The following SPRTN variants were observed in gnomAD, a reference collection of about 807,000 sequenced individuals.
SPRTN encodes the protein DNA-dependent metalloprotease SPRTN.
SPRTN carries 11 observed loss-of-function variants against 31.9 expected under a neutral mutation model. That is an observed-to-expected ratio of 0.34 (90% CI 0.22 to 0.57). The LOEUF (loss-of-function observed/expected upper bound fraction) is 0.57, where lower values mean the gene tolerates loss of function less well. SPRTN is among the 20% of genes least tolerant of loss of function. The probability of loss-of-function intolerance (pLI) is 0.86; values close to 1 mark genes in which losing one functional copy is unlikely to be tolerated. For missense variants in SPRTN, 482 were observed against 590.1 expected (o/e 0.82, Z 1.90); for synonymous variants, 185 against 212.1 (o/e 0.87, Z 1.11).
rs1179325758 is a variant in SPRTN, at chr1:231,338,527, G to A, written c.144G>A (p.Leu48=). ...ACCCCACACCGGACTTGCAGGCACTGTTTGTTCAGTTTAACGACCAATTCT... is the reference window on the plus strand; with the variant it reads ...ACCCCACACCGGACTTGCAGGCACTATTTGTTCAGTTTAACGACCAATTCT... ...LVDPTPDLQA[L]FVQFNDQFFW... Residue 48 remains leucine (L), a synonymous_variant, in exon 1 of 5, where the codon CTG becomes CTA. Transcript: ENST00000295050. 1 of 1,614,246 alleles carries A rather than the reference G, an allele frequency of 6.2e-7. No individual in the cohort carries two copies. Among genetic ancestry groups the A allele is most frequent in the South Asian group, 1.1e-5 (1 of 91,084 alleles).
chr1:231,340,673 G>C (rs760281940), intron 2 of SPRTN, among the ~76,000 whole-genome samples: 10 of 152,026 alleles, frequency 6.6e-5, no homozygotes, highest in Non-Finnish European at 1.3e-4. Flanking sequence ...ACTTACTTCT[G>C]CTAGCAGAAT....
chr1:231,342,606 T>A (rs1346773286), intron 2 of SPRTN, among the ~76,000 whole-genome samples: 1 of 151,906 alleles, frequency 6.6e-6, no homozygotes, highest in East Asian at 1.9e-4. Flanking sequence ...GATTTTTGTA[T>A]TTTTAGTAGA....
In SPRTN at chr1:231,347,777, T is replaced by C. The variant is rs1033159101; in HGVS notation, c.322-20T>C. 1 of 1,593,594 alleles carries C rather than the reference T, an allele frequency of 6.3e-7. No homozygotes were observed. Among genetic ancestry groups the C allele is most frequent in the East Asian group, 2.2e-5 (1 of 44,788 alleles). The stretch of plus-strand genomic sequence containing the variant: ...GTGTCATACAGACTCTAAAACTAAT[T>C]TGAATATTTTATGTTCCAGACCCTC... On this transcript the variant is annotated intron_variant, in intron 2 of 4. Coordinates refer to ENST00000295050, the MANE Select transcript of SPRTN (RefSeq NM_032018.7).
intron 3 of SPRTN, among the ~76,000 whole-genome samples, chr1:231,349,028 T>C (rs1304277283): frequency 1.3e-5 from 2 of 152,090 alleles, no homozygotes; most frequent in African/African-American, 4.8e-5. Context: ...CTGGATGCAG[T>C]GGTGCATTCA....
At chr1:231,347,112 G>A (rs1687084234) in intron 2 of SPRTN, among the ~76,000 whole-genome samples, 1 of 152,168 alleles carries the variant, frequency 6.6e-6, no homozygotes, top group Non-Finnish European at 1.5e-5. Context: ...CCTGGGACTA[G>A]AAGTGTCTTG....
Position 231,355,020 on chromosome 1 carries a change from G to T in SPRTN, c.*1659G>T. 1.6e-6 allele frequency: 1 copy of T among 642,768 alleles called. No individual in the cohort carries two copies. The highest frequency in any genetic ancestry group is 1.9e-6 in the Non-Finnish European group (1 of 517,542). The allele number at this position is 642,768 out of a possible 1,614,324, so 39.8% of individuals were successfully genotyped here. ...ACATTTTAATAAATACTTATAAATA[G>T]GTATTAAAATGTATATTATGTTCAA... On this transcript the variant is annotated 3_prime_UTR_variant, in exon 5 of 5. Transcript: ENST00000295050.
At chr1:231,343,318 GGT>G (rs1003523879) in intron 2 of SPRTN, among the ~76,000 whole-genome samples, 1 of 151,110 alleles carries the variant, frequency 6.6e-6, no homozygotes, top group African/African-American at 2.4e-5. Context: ...CTATAGCCTA[GGT>G]GTGTGTATAT....
At position 231,354,206 on chromosome 1, in the gene SPRTN, G is replaced by C. The variant is rs1687324562; in HGVS notation, c.*845G>C. 1 of 980,590 alleles carries C rather than the reference G, an allele frequency of 1.0e-6. No individual in the cohort carries two copies. The highest frequency in any genetic ancestry group is 1.2e-6 in the Non-Finnish European group (1 of 825,724). 60.7% of individuals were successfully genotyped at this position (980,590 alleles called of 1,614,324 possible). Reference sequence around the variant, plus strand: ...AATAGTATTTTGAACTTTAAGCCAAGTTTAAAACATTATAATAAAAGGAAT... The same window carrying C: ...AATAGTATTTTGAACTTTAAGCCAACTTTAAAACATTATAATAAAAGGAAT... On this transcript the variant is annotated 3_prime_UTR_variant, in exon 5 of 5. Coordinates refer to ENST00000295050, the MANE Select transcript of SPRTN (RefSeq NM_032018.7).
At position 231,348,075 on chromosome 1, in the gene SPRTN, T is replaced by C. The variant is rs539250304; in HGVS notation, c.450+150T>C. The stretch of plus-strand genomic sequence containing the variant: ...AGGCCTAGAGAAGCAAATTGGCTTG[T>C]CTGGGACTACATGGTGGAATGGCAG... On this transcript the variant is annotated intron_variant, in intron 3 of 4. Coordinates refer to ENST00000295050, the MANE Select transcript of SPRTN (RefSeq NM_032018.7). 1.0e-5 allele frequency: 11 copies of C among 1,071,450 alleles called. No homozygotes were observed. The South Asian group carries it at 1.3e-4, about 13-fold the overall frequency. The allele number at this position is 1,071,450 out of a possible 1,614,324, so 66.4% of individuals were successfully genotyped here.
At chr1:231,350,938 T>C (rs1339413864) in intron 3 of SPRTN, among the ~76,000 whole-genome samples, 1 of 152,154 alleles carries the variant, frequency 6.6e-6, no homozygotes, top group African/African-American at 2.4e-5. Flanking sequence ...TAGTATGGTA[T>C]TACATAAAAT....
At chr1:231,343,711 G>T (rs1240852266) in intron 2 of SPRTN, among the ~76,000 whole-genome samples, 1 of 152,094 alleles carries the variant, frequency 6.6e-6, no homozygotes, top group African/African-American at 2.4e-5. Flanking sequence ...TGCTGTGATT[G>T]TGGGTTTAGG....
intron 3 of SPRTN, 82 bp downstream of exon 3, chr1:231,348,007 A>G: frequency 6.5e-7 from 1 of 1,527,060 alleles, no homozygotes. Context: ...GTAGAGAACT[A>G]GGTAGAAACA....
chr1:231,338,308 C>A lies in SPRTN; in HGVS notation c.-76C>A. 1 of 1,531,004 alleles carries A rather than the reference C, an allele frequency of 6.5e-7. No homozygotes were observed. Among genetic ancestry groups the A allele is most frequent in the African/African-American group, 1.4e-5 (1 of 73,672 alleles). 94.8% of individuals were successfully genotyped at this position (1,531,004 alleles called of 1,614,324 possible). The stretch of plus-strand genomic sequence containing the variant: ...CCTAGGAGCTAGTCCTGGTCCTCGG[C>A]TAGGCGGCTTGGGGTCGCGGCGTAA... On this transcript the variant is annotated 5_prime_UTR_variant, in exon 1 of 5. Coordinates refer to ENST00000295050, the MANE Select transcript of SPRTN (RefSeq NM_032018.7).
At chr1:231,339,930 G>C (rs919696678) in intron 2 of SPRTN, 62 bp downstream of exon 2, 2 of 1,499,300 alleles carry the variant, frequency 1.3e-6, no homozygotes, top group African/African-American at 2.8e-5. Flanking sequence ...CAATGATTTA[G>C]ACTGCTGTGA....
intron 3 of SPRTN, among the ~76,000 whole-genome samples, chr1:231,348,350 G>C (rs141221454): frequency 6.6e-6 from 1 of 152,146 alleles, no homozygotes; most frequent in Admixed American, 6.5e-5. Context: ...GGTTCAAAAA[G>C]CTGGAGGCGT....
rs767128798 is a variant in SPRTN at position 231,338,636 on chromosome 1, G to A, written c.221+32G>A. ...TCCGAGCCCCGCTGGGGAAAGAGGC[G>A]GGACTGGCAGCTTTCCTGCAGCCCC... On this transcript the variant is annotated intron_variant, in intron 1 of 4. Transcript: ENST00000295050. 6 of 1,610,582 alleles carry A rather than the reference G, an allele frequency of 3.7e-6. No individual in the cohort carries two copies. In the Admixed American group the frequency reaches 8.3e-5, roughly 22 times the overall value.
At chr1:231,340,924 TGGATTACATAACA>T (rs1375310152) in intron 2 of SPRTN, among the ~76,000 whole-genome samples, 3 of 151,990 alleles carry the variant, frequency 2.0e-5, no homozygotes, top group Non-Finnish European at 2.9e-5. Flanking sequence ...TAAAAGGCAA[TGGATTACATAACA>T]GTGTGAATAT....
intron 2 of SPRTN, among the ~76,000 whole-genome samples, chr1:231,346,203 T>C (rs1322256965): frequency 1.4e-5 from 2 of 144,312 alleles, no homozygotes; most frequent in African/African-American, 5.2e-5. Context: ...TTTTTTTTTT[T>C]TTTTGAGATG....
Position 231,347,908 on chromosome 1 carries a change from A to G in SPRTN, c.433A>G (p.Thr145Ala). 2 of 1,613,442 alleles carry G rather than the reference A, an allele frequency of 1.2e-6. No homozygotes were observed. Among genetic ancestry groups the G allele is most frequent in the Non-Finnish European group, 1.7e-6 (2 of 1,179,906 alleles). ...ACATATGCATCGCATCAACAGCCTGACTGGAGCCAATATAACGGTATAGAA... is the reference window on the plus strand; with the variant it reads ...ACATATGCATCGCATCAACAGCCTGGCTGGAGCCAATATAACGGTATAGAA... ...CKHMHRINSLTGANITVYHTF... is the reference protein window; with the variant it reads ...CKHMHRINSLAGANITVYHTF... Residue 145 changes from threonine (T) to alanine (A), a missense_variant, in exon 3 of 5, where the codon ACT becomes GCT. Transcript: ENST00000295050.
Sources: gnomAD v4.1 joint callset for allele counts (sites outside exome capture counted in the v4.1 genomes callset) on GRCh38, gnomAD v4.1.1 for gene constraint, MANE v1.5 for transcripts, NCBI Gene and HGNC (gene_info 2026-07-23, HGNC 2026-07-21) for gene names.